Variants in NAALADL2 observed in about 807,000 individuals in gnomAD.
NAALADL2 encodes the protein inactive N-acetylated-alpha-linked acidic dipeptidase-like protein 2.
In NAALADL2, 76 loss-of-function variants were observed where a neutral mutation model predicts 87.2. The ratio of observed to expected loss-of-function variants is 0.87; its 90% CI spans 0.72 to 1.05. The LOEUF (loss-of-function observed/expected upper bound fraction) is 1.05. NAALADL2 is among the 50% of genes least tolerant of loss of function. NAALADL2 has a pLI of 0.00. For synonymous variants in NAALADL2, 354 were observed against 331.0 expected (o/e 1.07, Z -0.75); for missense variants, 1,089 against 945.8 (o/e 1.15, Z -1.99).
intron 4 of NAALADL2, among the ~76,000 whole-genome samples, chr3:175,317,156 A>T (rs898105057): frequency 6.6e-6 from 1 of 152,196 alleles, no homozygotes; most frequent in African/African-American, 2.4e-5. Flanking sequence ...TGTATTGATT[A>T]TAAAAGGGGT....
rs375805524 is a variant in NAALADL2, at chr3:174,636,054, T to C, written c.-115+85417T>C. On this transcript the variant is annotated intron_variant, in intron 2 of 3. Coordinates refer to the NAALADL2 transcript ENST00000434257. ...GAAAAATATGGAAATGCAAGTGTTATTTTTTTTCCATGTTGAAGGCTGAAC... is the reference window on the plus strand; with the variant it reads ...GAAAAATATGGAAATGCAAGTGTTACTTTTTTTCCATGTTGAAGGCTGAAC... Among the ~76,000 whole-genome samples the C allele has an allele frequency of 1.8e-4, 28 of 152,096 alleles. No individual in the cohort carries two copies. The East Asian group carries it at 4.4e-3, about 24-fold the overall frequency.
intron 9 of NAALADL2, among the ~76,000 whole-genome samples, chr3:175,551,626 G>A (rs940168011): frequency 6.6e-5 from 10 of 152,234 alleles, no homozygotes; most frequent in South Asian, 2.1e-4. Flanking sequence ...GGGGCCGGGC[G>A]CGGTGACTCA....
chr3:175,761,566 G>A (rs911147633), intron 13 of NAALADL2, among the ~76,000 whole-genome samples: 13 of 152,144 alleles, frequency 8.5e-5, no homozygotes, highest in African/African-American at 2.9e-4. Flanking sequence ...TAGCTTTGTA[G>A]GAAACTGCCA....
chr3:175,409,620 A>T (rs60896739), intron 5 of NAALADL2, among the ~76,000 whole-genome samples: 31,262 of 149,346 alleles, frequency 0.21, 4,079 homozygotes, highest in African/African-American at 0.39. Flanking sequence ...CATTTTTTTT[A>T]CCAATCTCCC....
intron 2 of NAALADL2, among the ~76,000 whole-genome samples, chr3:174,579,004 A>C (rs9867389): frequency 0.017 from 2,552 of 152,136 alleles, 85 homozygotes; most frequent in African/African-American, 0.057. Context: ...TGCACATATA[A>C]GTAAGTAAAA....
At position 175,004,897 on chromosome 3, in the gene NAALADL2, C is replaced by T. The variant is rs529212221; in HGVS notation, c.44-91893C>T. On this transcript the variant is annotated intron_variant, in intron 1 of 13. Transcript: ENST00000454872. ...AAAAAAAAAAATCCAAAATCCAAAA[C>T]GTTTTTGGTCCCAAGCACTTCAGAT... 2.3e-4 allele frequency among the ~76,000 whole-genome samples: 34 copies of T among 150,732 alleles called. No homozygotes were observed. The South Asian group carries it at 6.3e-3, about 28-fold the overall frequency.
chr3:174,562,982 A>G (rs779698593), intron 2 of NAALADL2, among the ~76,000 whole-genome samples: 3 of 152,170 alleles, frequency 2.0e-5, no homozygotes, highest in Non-Finnish European at 4.4e-5. Context: ...TGGATGACTC[A>G]GTAATAAATA....
intron 2 of NAALADL2, among the ~76,000 whole-genome samples, chr3:174,665,189 T>C (rs1412837191): frequency 2.0e-5 from 3 of 152,296 alleles, no homozygotes; most frequent in East Asian, 3.9e-4. Context: ...GGAATTATTA[T>C]GAGCATTACA....
chr3:175,211,308 T>C (rs914065247), intron 2 of NAALADL2, among the ~76,000 whole-genome samples: 1 of 151,924 alleles, frequency 6.6e-6, no homozygotes, highest in African/African-American at 2.4e-5. Flanking sequence ...GGAACTTGAA[T>C]AGTGGGCAGA....
intron 1 of NAALADL2, among the ~76,000 whole-genome samples, chr3:174,882,368 A>T (rs969542420): frequency 7.9e-5 from 12 of 151,780 alleles, no homozygotes; most frequent in African/African-American, 2.9e-4. Flanking sequence ...AGTTAACTTG[A>T]TATATTAGGG....
intron 1 of NAALADL2, among the ~76,000 whole-genome samples, chr3:174,550,308 A>C (rs538959039): frequency 1.3e-5 from 2 of 152,040 alleles, no homozygotes; most frequent in Admixed American, 1.3e-4. Context: ...TTTTATGAAT[A>C]AAAAATATGG....
At position 175,803,940 on chromosome 3, in the gene NAALADL2, A is replaced by C. The variant is rs1019371004; in HGVS notation, c.*737A>C. 1.3e-5 allele frequency: 2 copies of C among 152,356 alleles called. No homozygotes were observed. The highest frequency in any genetic ancestry group is 2.1e-4 in the South Asian group (1 of 4,828). 9.4% of individuals were successfully genotyped at this position (152,356 alleles called of 1,614,324 possible). A position where few individuals can be genotyped will look rare whatever the true frequency, so the allele number is the denominator to read the frequency against. On this transcript the variant is annotated 3_prime_UTR_variant, in exon 14 of 14. Transcript: ENST00000454872. ...CCTCAGTTGATTTTCTAAGAATTTC[A>C]GGAGTGATGTATGTCTTAAGAGGGA...
At chr3:175,029,457 TC>T (rs1385923190) in intron 1 of NAALADL2, among the ~76,000 whole-genome samples, 1 of 152,012 alleles carries the variant, frequency 6.6e-6, no homozygotes, top group African/African-American at 2.4e-5. Context: ...CATAACTCTC[TC>T]TGATCCATCA....
At chr3:175,560,001 G>A (rs191510895) in intron 9 of NAALADL2, among the ~76,000 whole-genome samples, 3 of 152,258 alleles carry the variant, frequency 2.0e-5, no homozygotes, top group Non-Finnish European at 2.9e-5. Flanking sequence ...AGAAAAGTTT[G>A]AGTAGCATTG....
rs1193207508 is a variant in NAALADL2 at position 175,121,291 on chromosome 3, T to TG, written c.545+24003dup. 1.1e-4 allele frequency among the ~76,000 whole-genome samples: 16 copies of TG among 151,952 alleles called. No individual in the cohort carries two copies. The South Asian group carries it at 2.3e-3, about 22-fold the overall frequency. On this transcript the variant is annotated intron_variant, in intron 2 of 13. Transcript: ENST00000454872. Reference sequence around the variant, plus strand: ...CTGACTTGTCTTAGGTTCTTTGTCTTGGGCTTTAACAAACAATATATGCAA... The same window carrying TG: ...CTGACTTGTCTTAGGTTCTTTGTCTTGGGGCTTTAACAAACAATATATGCAA...
chr3:174,726,946 T>C (rs1189478812), intron 2 of NAALADL2, among the ~76,000 whole-genome samples: 1 of 152,160 alleles, frequency 6.6e-6, no homozygotes, highest in Non-Finnish European at 1.5e-5. Flanking sequence ...GCAGAATCAT[T>C]TTTCTTTTGT....
At chr3:174,933,323 A>G (rs967929070) in intron 1 of NAALADL2, among the ~76,000 whole-genome samples, 5 of 152,088 alleles carry the variant, frequency 3.3e-5, no homozygotes, top group African/African-American at 1.2e-4. Flanking sequence ...ATTCTTGACT[A>G]TTGAGATGTT....
intron 5 of NAALADL2, among the ~76,000 whole-genome samples, chr3:175,409,040 C>T (rs1712954905): frequency 6.6e-6 from 1 of 151,928 alleles, no homozygotes; most frequent in Admixed American, 6.6e-5. Context: ...GTTTATATTA[C>T]ATTTCCTACT....
chr3:175,459,192 G>C (rs1035111087), intron 6 of NAALADL2, among the ~76,000 whole-genome samples: 1 of 151,882 alleles, frequency 6.6e-6, no homozygotes, highest in African/African-American at 2.4e-5. Flanking sequence ...TTAAAATAAG[G>C]ATTAAAGTTA....
Sources: allele counts gnomAD v4.1 joint callset (sites outside exome capture counted in the v4.1 genomes callset), GRCh38; gene constraint gnomAD v4.1.1; transcripts MANE v1.5; gene names NCBI Gene and HGNC (gene_info 2026-07-23, HGNC 2026-07-21).